VPS13D: variants seen among roughly 807,000 people sequenced by gnomAD.
The protein encoded by VPS13D is intermembrane lipid transfer protein VPS13D.
VPS13D carries 187 observed loss-of-function variants against 461.9 expected under a neutral mutation model. The observed-to-expected ratio is 0.40, with a 90% confidence interval of 0.36 to 0.46. The LOEUF (loss-of-function observed/expected upper bound fraction) is 0.46, where lower values mean the gene tolerates loss of function less well. Among genes scored for constraint, VPS13D ranks in the 20% least tolerant of loss-of-function variants. The pLI is 0.60. For missense variants in VPS13D, 4,711 were observed against 5,364.9 expected (o/e 0.88, Z 3.81); for synonymous variants, 1,951 against 1,986.3 (o/e 0.98, Z 0.47).
chr1:12,283,986 G>T (rs1641888633), intron 21 of VPS13D, among the ~76,000 whole-genome samples: 2 of 152,182 alleles, frequency 1.3e-5, no homozygotes, highest in African/African-American at 4.8e-5. Flanking sequence ...CTATAATTCA[G>T]TGGAGTTACT....
chr1:12,322,852 A>G (rs946244122), intron 34 of VPS13D, 106 bp downstream of exon 34: 10 of 959,284 alleles, frequency 1.0e-5, no homozygotes, highest in South Asian at 3.3e-5. Context: ...GTTTAATTGT[A>G]TGTCATTAAG....
chr1:12,477,721 C>G (rs923821743), intron 67 of VPS13D, among the ~76,000 whole-genome samples: 1 of 152,188 alleles, frequency 6.6e-6, no homozygotes, highest in African/African-American at 2.4e-5. Flanking sequence ...ACACTTCCCT[C>G]CTGTGCACAC....
rs972342916 is a variant in VPS13D at position 12,230,087 on chromosome 1, C to G, written c.-110C>G. The G allele has an allele frequency of 1.3e-5, 2 of 151,940 alleles. No homozygotes were observed. The highest frequency in any genetic ancestry group is 1.9e-4 in the East Asian group (1 of 5,164). 9.4% of individuals were successfully genotyped at this position (151,940 alleles called of 1,614,324 possible). ...GGCGGGGAGGAAACGCCGCGCAGCGCCGGGCTGGGGCGGGCGGCCCGGGAC... is the reference window on the plus strand; with the variant it reads ...GGCGGGGAGGAAACGCCGCGCAGCGGCGGGCTGGGGCGGGCGGCCCGGGAC... On this transcript the variant is annotated 5_prime_UTR_variant, in exon 1 of 70. Transcript: ENST00000620676.
In VPS13D at chr1:12,507,158, C is replaced by T; in HGVS notation, c.13035+65C>T. 2 of 1,609,302 alleles carry T rather than the reference C, an allele frequency of 1.2e-6. No individual in the cohort carries two copies. Among genetic ancestry groups the T allele is most frequent in the Non-Finnish European group, 1.7e-6 (2 of 1,177,388 alleles). Reference sequence around the variant, plus strand: ...CCAGGGCCTCGATGCCTCTGCCCTGCTTCCCCGTCCTCAGCAGGAGCTCAT... The same window carrying T: ...CCAGGGCCTCGATGCCTCTGCCCTGTTTCCCCGTCCTCAGCAGGAGCTCAT... On this transcript the variant is annotated intron_variant, in intron 69 of 69. Coordinates refer to ENST00000620676, the MANE Select transcript of VPS13D (RefSeq NM_015378.4). The surrounding 1 kb of genome is among the most constrained non-coding windows in gnomAD (Gnocchi z 5.3).
chr1:12,231,835 A>G (rs1025713014), intron 1 of VPS13D, among the ~76,000 whole-genome samples: 3 of 152,112 alleles, frequency 2.0e-5, no homozygotes, highest in African/African-American at 7.2e-5. Context: ...CAAAAATACA[A>G]AACTTAGCCG....
intron 21 of VPS13D, among the ~76,000 whole-genome samples, chr1:12,286,259 G>T (rs1456864632): frequency 6.6e-6 from 1 of 152,080 alleles, no homozygotes; most frequent in South Asian, 2.1e-4. Context: ...TGTGTTTTTA[G>T]TTGAGATGGG....
At chr1:12,449,977 T>C (rs1645240706) in intron 65 of VPS13D, among the ~76,000 whole-genome samples, 1 of 151,944 alleles carries the variant, frequency 6.6e-6, no homozygotes. Flanking sequence ...ATACAAAAAT[T>C]AGCCAGGCGT....
chr1:12,260,916 T>C (rs1166883899), intron 11 of VPS13D, 32 bp from the exon 12 acceptor site: 1 of 1,613,816 alleles, frequency 6.2e-7, no homozygotes. Flanking sequence ...TATCTTTGAG[T>C]ACTCATCTCT....
chr1:12,325,332 C>T (rs923906663), intron 35 of VPS13D, among the ~76,000 whole-genome samples: 3 of 151,948 alleles, frequency 2.0e-5, no homozygotes, highest in African/African-American at 4.8e-5. Context: ...CGATCTTGGC[C>T]CACTGCAACC....
chr1:12,285,663 A>G (rs1641944865), intron 21 of VPS13D, among the ~76,000 whole-genome samples: 1 of 152,220 alleles, frequency 6.6e-6, no homozygotes, highest in Non-Finnish European at 1.5e-5. Flanking sequence ...TTCTAAAAAA[A>G]CAATGGACAT....
intron 65 of VPS13D, among the ~76,000 whole-genome samples, chr1:12,451,817 C>T (rs1369653037): frequency 6.6e-6 from 1 of 152,214 alleles, no homozygotes; most frequent in Non-Finnish European, 1.5e-5. Context: ...TGATTATTCC[C>T]ATTTTGCATA....
rs752030646 is a variant in VPS13D at position 12,339,024 on chromosome 1, TAGAA to T, written c.8626+723_8626+726del. Among the ~76,000 whole-genome samples, 336 of 152,184 alleles carry T rather than the reference TAGAA, an allele frequency of 2.2e-3. 1 individual carries two copies. The highest frequency in any genetic ancestry group is 7.8e-3 in the African/African-American group (325 of 41,532). ...GATTATTCGTCATGATTTTTTTAAA[TAGAA>T]AGAGACCACAGGAACTCCCTCTACC... On this transcript the variant is annotated intron_variant, in intron 40 of 69. Transcript: ENST00000620676.
intron 68 of VPS13D, among the ~76,000 whole-genome samples, chr1:12,498,919 T>C (rs1481407658): frequency 6.6e-6 from 1 of 152,032 alleles, no homozygotes; most frequent in Non-Finnish European, 1.5e-5. Context: ...AATGGTCACA[T>C]TGGGGTTAGG....
chr1:12,387,245 A>G (rs530221574), intron 60 of VPS13D, among the ~76,000 whole-genome samples: 60 of 152,346 alleles, frequency 3.9e-4, no homozygotes, highest in Middle Eastern at 3.4e-3. Flanking sequence ...GAGCACTGCT[A>G]TAGACTGCCT....
Position 12,256,916 on chromosome 1 carries a change from G to A in VPS13D, c.841-71G>A, listed in dbSNP as rs563591192. ...CAACTAATGTGAATTGTTCTTGTTA[G>A]ATATAGGTCTTAACTGAGTAAAAGA... is the stretch of plus-strand genomic sequence containing the variant. On this transcript the variant is annotated intron_variant, in intron 8 of 69. Transcript: ENST00000620676. 13 of 1,504,648 alleles carry A rather than the reference G, an allele frequency of 8.6e-6. No individual in the cohort carries two copies. The East Asian group carries it at 2.5e-4, about 29-fold the overall frequency. 93.2% of individuals were successfully genotyped at this position (1,504,648 alleles called of 1,614,324 possible).
chr1:12,347,372 G>T (rs1039604458), intron 44 of VPS13D, among the ~76,000 whole-genome samples: 10 of 152,058 alleles, frequency 6.6e-5, no homozygotes, highest in Non-Finnish European at 1.5e-4. Context: ...GGGTTTCACC[G>T]TGTTAGCCAG....
chr1:12,260,018 T>C (rs1641056583), intron 10 of VPS13D, among the ~76,000 whole-genome samples: 2 of 87,546 alleles, frequency 2.3e-5, no homozygotes, highest in Non-Finnish European at 4.0e-5. Flanking sequence ...TTAGTGACTT[T>C]TTTTTTTTTT....
intron 67 of VPS13D, 90 bp downstream of exon 67, chr1:12,460,486 T>G: frequency 3.4e-6 from 4 of 1,188,474 alleles, no homozygotes; most frequent in Middle Eastern, 3.1e-4. Flanking sequence ...ATTGTGCACT[T>G]TCTTAGTTAT....
rs768737006 is a variant in VPS13D at position 12,260,747 on chromosome 1, C to A, written c.1165C>A (p.Arg389Ser). ...GAGCTTTGAGGAATTGAAGATTTTG[C>A]GTGAACTGGTTCATGATCGATTTCA... ...EQSFEELKILRELVHDRFHKQ... is the reference protein window; with the variant it reads ...EQSFEELKILSELVHDRFHKQ... Residue 389 changes from arginine (R) to serine (S), a missense_variant, in exon 11 of 70, where the codon CGT becomes AGT. By Grantham distance (110) the Arg-to-Ser change is moderately radical (BLOSUM62 -1). Coordinates refer to ENST00000620676, the MANE Select transcript of VPS13D (RefSeq NM_015378.4). 2 of 1,614,088 alleles carry A rather than the reference C, an allele frequency of 1.2e-6. No individual in the cohort carries two copies. The highest frequency in any genetic ancestry group is 2.7e-5 in the African/African-American group (2 of 75,010).
Sources: gnomAD v4.1 joint callset for allele counts (sites outside exome capture counted in the v4.1 genomes callset) on GRCh38, gnomAD v4.1.1 for gene constraint, Gnocchi (gnomAD v3.1) non-coding constraint, MANE v1.5 for transcripts, NCBI Gene and HGNC (gene_info 2026-07-23, HGNC 2026-07-21) for gene names.